Variants in AVEN observed in about 807,000 individuals in gnomAD.
The protein encoded by AVEN is cell death regulator Aven.
In AVEN, 41 loss-of-function variants were observed where a neutral mutation model predicts 38.1. The observed-to-expected ratio is 1.08, with a 90% CI of 0.84 to 1.40. The LOEUF is 1.40. Among genes scored for constraint, AVEN ranks in the 40% most tolerant of loss-of-function variants. AVEN has a pLI of 0.00. For synonymous variants in AVEN, 206 were observed against 171.8 expected, an observed-to-expected ratio of 1.20 and a Z score of -1.56; for missense variants, 605 against 438.8, an observed-to-expected ratio of 1.38 and a Z score of -3.38.
chr15:34,039,722 C>A (rs1899386388), upstream of AVEN, among the ~76,000 whole-genome samples: 1 of 152,134 alleles, frequency 6.6e-6, no homozygotes, highest in Admixed American at 6.6e-5. Flanking sequence ...GTAGAAATGA[C>A]TACTACAGCT....
chr15:33,939,818 G>A (rs1894244732), intron 2 of AVEN, among the ~76,000 whole-genome samples: 1 of 152,108 alleles, frequency 6.6e-6, no homozygotes, highest in Non-Finnish European at 1.5e-5. Context: ...AAGTAGTTAG[G>A]ATTAGAAGAA....
intron 2 of AVEN, among the ~76,000 whole-genome samples, chr15:33,942,999 G>A (rs531224951): frequency 3.9e-5 from 6 of 152,292 alleles, no homozygotes; most frequent in African/African-American, 1.2e-4. Flanking sequence ...TAAAGAAAGT[G>A]CACTGTTACT....
chr15:34,069,836 CTG>C (rs1183069673), intron 2 of AVEN, among the ~76,000 whole-genome samples: 1 of 152,136 alleles, frequency 6.6e-6, no homozygotes, highest in Non-Finnish European at 1.5e-5. Context: ...TCTCCCATAA[CTG>C]TTTATTTAAT....
At chr15:34,073,590 G>A (rs1339869584) in intron 1 of AVEN, among the ~76,000 whole-genome samples, 1 of 143,368 alleles carries the variant, frequency 7.0e-6, no homozygotes, top group Admixed American at 7.4e-5. Flanking sequence ...GCATGATCTC[G>A]GCTCACCACA....
At chr15:34,005,736 C>A (rs1400893216) in intron 1 of AVEN, among the ~76,000 whole-genome samples, 1 of 152,192 alleles carries the variant, frequency 6.6e-6, no homozygotes, top group African/African-American at 2.4e-5. Context: ...ATTCACTTAA[C>A]AAATTTAACA....
intron 2 of AVEN, among the ~76,000 whole-genome samples, chr15:33,978,440 G>T (rs900721098): frequency 1.3e-5 from 2 of 152,148 alleles, no homozygotes; most frequent in Admixed American, 1.3e-4. Context: ...GAGGTGGGAG[G>T]ATCACCTGAG....
the AVEN span, chr15:33,853,228 T>C: frequency 5.5e-6 from 5 of 903,290 alleles, no homozygotes; most frequent in Non-Finnish European, 8.3e-6. Flanking sequence ...ACAGAAGGGG[T>C]TGGATATGAA....
At chr15:33,956,907 C>T (rs990817632) in intron 2 of AVEN, among the ~76,000 whole-genome samples, 3 of 152,180 alleles carry the variant, frequency 2.0e-5, no homozygotes, top group African/African-American at 7.2e-5. Context: ...ATTTTCCTGA[C>T]AAATCCATCT....
In AVEN at chr15:33,903,486, C is replaced by G. The variant is rs371831100; in HGVS notation, c.446-27491G>C. On this transcript the variant is annotated intron_variant, in intron 2 of 5. Coordinates refer to ENST00000306730, the MANE Select transcript of AVEN (RefSeq NM_020371.3). ...CTTCTCTGCTTAAATTTGCCTAAGTCAGTTTCTGCAGCTTGCAACTAAGAC... is the reference window on the plus strand; with the variant it reads ...CTTCTCTGCTTAAATTTGCCTAAGTGAGTTTCTGCAGCTTGCAACTAAGAC... Among the ~76,000 whole-genome samples, 6 of 152,214 alleles carry G rather than the reference C, an allele frequency of 3.9e-5. No homozygotes were observed. The East Asian group carries it at 9.6e-4, about 24-fold the overall frequency.
intron 2 of AVEN, among the ~76,000 whole-genome samples, chr15:33,930,716 G>A (rs1893809819): frequency 3.3e-5 from 5 of 152,194 alleles, no homozygotes. Flanking sequence ...AGCACTTTGG[G>A]AGGCCGAGGC....
chr15:33,914,095 T>A (rs1893023615), intron 2 of AVEN, among the ~76,000 whole-genome samples: 1 of 152,114 alleles, frequency 6.6e-6, no homozygotes, highest in Non-Finnish European at 1.5e-5. Context: ...CCATAGAAGG[T>A]GCTTACATTT....
At chr15:34,068,774 T>A (rs1044570752) in intron 2 of AVEN, among the ~76,000 whole-genome samples, 4 of 151,904 alleles carry the variant, frequency 2.6e-5, no homozygotes, top group African/African-American at 9.7e-5. Flanking sequence ...TTTTCTGTCT[T>A]TCATGATATA....
intron 2 of AVEN, among the ~76,000 whole-genome samples, chr15:33,908,142 C>A (rs187242714): frequency 6.6e-6 from 1 of 152,110 alleles, no homozygotes; most frequent in Non-Finnish European, 1.5e-5. Context: ...GTATACAGTC[C>A]GGTGGCATTA....
intron 11 of AVEN, chr15:33,859,580 C>G: frequency 3.7e-6 from 6 of 1,613,952 alleles, no homozygotes; most frequent in Non-Finnish European, 5.1e-6. Context: ...TCTAGTGTTA[C>G]CTTTTCCACA....
intron 2 of AVEN, among the ~76,000 whole-genome samples, chr15:33,970,974 A>G (rs1219437821): frequency 6.6e-6 from 1 of 152,012 alleles, no homozygotes; most frequent in Non-Finnish European, 1.5e-5. Context: ...TTGCTCTATA[A>G]TAACCCATTC....
At chr15:34,034,233 A>T (rs1358886144) in intron 1 of AVEN, among the ~76,000 whole-genome samples, 1 of 152,178 alleles carries the variant, frequency 6.6e-6, no homozygotes, top group Non-Finnish European at 1.5e-5. Context: ...GCTTGAGCCC[A>T]GGAGTTTGAG....
chr15:33,905,589 C>A (rs1191208510), intron 2 of AVEN, among the ~76,000 whole-genome samples: 5 of 152,122 alleles, frequency 3.3e-5, no homozygotes, highest in African/African-American at 4.8e-5. Flanking sequence ...TTTTGGGAGG[C>A]CGAGGTGGGC....
intron 5 of AVEN, among the ~76,000 whole-genome samples, chr15:34,053,319 A>AAAAAAAAT (rs775436850): frequency 4.8e-5 from 2 of 42,070 alleles, no homozygotes; most frequent in African/African-American, 8.0e-5. Context: ...AAAAAAAAAA[A>AAAAAAAAT]ATATATATAT....
intron 2 of AVEN, among the ~76,000 whole-genome samples, chr15:33,952,584 T>A (rs1376022448): frequency 2.6e-5 from 4 of 152,180 alleles, no homozygotes; most frequent in South Asian, 4.1e-4. Flanking sequence ...ACGTCTTTTT[T>A]AAAAACTGGC....
Sources: gnomAD v4.1 joint callset for allele counts (sites outside exome capture counted in the v4.1 genomes callset) on GRCh38, gnomAD v4.1.1 for gene constraint, MANE v1.5 for transcripts, NCBI Gene and HGNC (gene_info 2026-07-23, HGNC 2026-07-21) for gene names.